FBXO11: variants seen among roughly 807,000 people sequenced by gnomAD.
The protein encoded by FBXO11 is F-box only protein 11.
Under a neutral mutation model 117.0 loss-of-function variants are expected in FBXO11, and 13 were observed. That is an observed-to-expected ratio of 0.11 (90% CI 0.07 to 0.18). FBXO11 has a LOEUF of 0.18. Among genes scored for constraint, FBXO11 ranks in the 10% least tolerant of loss-of-function variants. The probability of loss-of-function intolerance (pLI) is 1.00; values close to 1 mark genes in which losing one functional copy is unlikely to be tolerated. For missense variants in FBXO11, 767 were observed against 1,164.4 expected (o/e 0.66, Z 4.97); for synonymous variants, 490 against 380.5 (o/e 1.29, Z -3.35).
In FBXO11 at chr2:47,900,603, TATACAC is replaced by T. The variant is rs1361663003; in HGVS notation, c.232+4880_232+4885del. Among the ~76,000 whole-genome samples, 10 of 110,244 alleles carry T rather than the reference TATACAC, an allele frequency of 9.1e-5. No homozygotes were observed. The East Asian group carries it at 1.1e-3, about 12-fold the overall frequency. The allele number at this position is 110,244 out of a possible 152,430, so 72.3% of individuals were successfully genotyped here. Reference sequence around the variant, plus strand: ...ACACATATATACGTATATACACACGTATACACACGTATATACACACGTATACACACA... The same window carrying T: ...ACACATATATACGTATATACACACGTACGTATATACACACGTATACACACA... On this transcript the variant is annotated intron_variant, in intron 1 of 22. Coordinates refer to ENST00000403359, the MANE Select transcript of FBXO11 (RefSeq NM_001190274.2).
intron 4 of FBXO11, chr2:47,837,179 T>G (rs1418457621): frequency 6.0e-6 from 1 of 167,282 alleles, no homozygotes; most frequent in Non-Finnish European, 1.3e-5. Flanking sequence ...TGAGCAATGC[T>G]GTTTTGTTCT....
intron 1 of FBXO11, among the ~76,000 whole-genome samples, chr2:47,855,553 G>C (rs1224695620): frequency 6.6e-6 from 1 of 152,162 alleles, no homozygotes; most frequent in Non-Finnish European, 1.5e-5. Context: ...AAGGAATGTG[G>C]CCAGGTGCAG....
chr2:47,821,587 G>C (rs964029243), intron 13 of FBXO11, among the ~76,000 whole-genome samples: 1 of 151,238 alleles, frequency 6.6e-6, no homozygotes, highest in Non-Finnish European at 1.5e-5. Flanking sequence ...TCCAGCCTGG[G>C]TGATAGAGAG....
chr2:47,808,731 T>C (rs1670400431), intron 21 of FBXO11: 1 of 329,136 alleles, frequency 3.0e-6, no homozygotes, highest in African/African-American at 2.1e-5. Flanking sequence ...GTCAAAACTG[T>C]CACAGTGACT....
At chr2:47,851,907 T>C (rs1405707685) in intron 1 of FBXO11, among the ~76,000 whole-genome samples, 1 of 152,256 alleles carries the variant, frequency 6.6e-6, no homozygotes, top group Non-Finnish European at 1.5e-5. Context: ...AACAACTTTT[T>C]TTAATACAGA....
At chr2:47,839,398 T>C (rs750753531) in intron 3 of FBXO11, 21 bp downstream of exon 3, 2 of 1,591,372 alleles carry the variant, frequency 1.3e-6, no homozygotes, top group South Asian at 2.3e-5. Flanking sequence ...ACCCTATTTG[T>C]TACTTTCCCA....
At chr2:47,856,064 T>A (rs1163266796) in intron 1 of FBXO11, among the ~76,000 whole-genome samples, 8 of 152,094 alleles carry the variant, frequency 5.3e-5, no homozygotes, top group Non-Finnish European at 1.2e-4. Context: ...CGTGCTATCA[T>A]TACATTATGC....
At position 47,832,589 on chromosome 2, in the gene FBXO11, T is replaced by C. The variant is rs1448690246; in HGVS notation, c.1243A>G (p.Ile415Val). 10 of 1,613,656 alleles carry C rather than the reference T, an allele frequency of 6.2e-6. No individual in the cohort carries two copies. Among genetic ancestry groups the C allele is most frequent in the East Asian group, 2.2e-5 (1 of 44,858 alleles). The change falls in exon 10 of 23, where the codon ATA becomes GTA. Residue 415 changes from isoleucine to valine, a missense_variant. Transcript: ENST00000403359. ...ISDCENVGLY[I>V]TDHAQGIYED... ...AAAAATACCTGTGCATGATCTGTTATATATAGTCCAACATTTTCACAGTCA... is the reference window on the plus strand; with the variant it reads ...AAAAATACCTGTGCATGATCTGTTACATATAGTCCAACATTTTCACAGTCA...
chr2:47,859,054 A>AAAAAG (rs916754158), intron 1 of FBXO11, among the ~76,000 whole-genome samples: 1 of 150,262 alleles, frequency 6.7e-6, no homozygotes, highest in Non-Finnish European at 1.5e-5. Flanking sequence ...AAAAAAAAAA[A>AAAAAG]AAAAGAAAAG....
chr2:47,884,389 A>G (rs902739886), intron 1 of FBXO11, among the ~76,000 whole-genome samples: 1 of 152,180 alleles, frequency 6.6e-6, no homozygotes, highest in Non-Finnish European at 1.5e-5. Context: ...TTGAACTTCA[A>G]CATGAACCCC....
At chr2:47,853,625 AACTT>A (rs1287442948) in intron 1 of FBXO11, among the ~76,000 whole-genome samples, 2 of 152,184 alleles carry the variant, frequency 1.3e-5, no homozygotes, top group Non-Finnish European at 2.9e-5. Context: ...TAGCCTCTTT[AACTT>A]AAGCTCCTCA....
At chr2:47,905,367 G>C (rs1002070826) in intron 1 of FBXO11, 122 bp downstream of exon 1, 3 of 992,506 alleles carry the variant, frequency 3.0e-6, no homozygotes, top group African/African-American at 3.4e-5. Context: ...CCTCCGCTCA[G>C]CTTGGGTCTC....
At chr2:47,847,188 T>C (rs1165830970) in intron 1 of FBXO11, among the ~76,000 whole-genome samples, 1 of 152,044 alleles carries the variant, frequency 6.6e-6, no homozygotes, top group Non-Finnish European at 1.5e-5. Flanking sequence ...TAGACTGCAG[T>C]GAGCCGACAT....
chr2:47,834,310 A>T (rs1360081410), intron 7 of FBXO11, among the ~76,000 whole-genome samples: 2 of 152,152 alleles, frequency 1.3e-5, no homozygotes, highest in African/African-American at 4.8e-5. Flanking sequence ...AAATTGTGCC[A>T]CTGCACTCTA....
chr2:47,835,041 G>A (rs1050730855), intron 5 of FBXO11, among the ~76,000 whole-genome samples, 170 bp from the exon 6 acceptor site: 7 of 152,082 alleles, frequency 4.6e-5, no homozygotes, highest in Non-Finnish European at 1.0e-4. Flanking sequence ...GTTATGATCC[G>A]GTAATATCCA....
rs749253894 is a variant in FBXO11, at chr2:47,813,875, C to G, written c.2007-8G>C. The G allele has an allele frequency of 6.3e-7, 1 of 1,598,940 alleles. No individual in the cohort carries two copies. ...TTGGGGTTGCTTCCAGTCCTGTAAA[C>G]AGAATAGACAATAATACCATTTCAA... On this transcript the variant is annotated splice_polypyrimidine_tract_variant and splice_region_variant and intron_variant, in intron 16 of 22. Coordinates refer to ENST00000403359, the MANE Select transcript of FBXO11 (RefSeq NM_001190274.2).
intron 4 of FBXO11, among the ~76,000 whole-genome samples, chr2:47,836,249 C>A (rs1672553345): frequency 6.6e-6 from 1 of 152,034 alleles, no homozygotes; most frequent in Admixed American, 6.6e-5. Context: ...CCTCAGCCTC[C>A]TGAGTAGCTG....
intron 15 of FBXO11, 36 bp from the exon 16 acceptor site, chr2:47,818,900 G>C (rs1317538409): frequency 6.3e-7 from 1 of 1,578,038 alleles, no homozygotes; most frequent in African/African-American, 1.4e-5. Flanking sequence ...CTTTTTCAAG[G>C]GACAAGTATT....
intron 1 of FBXO11, among the ~76,000 whole-genome samples, chr2:47,884,339 C>T (rs931364671): frequency 1.3e-5 from 2 of 152,180 alleles, no homozygotes; most frequent in African/African-American, 2.4e-5. Flanking sequence ...TCAGGTACTT[C>T]GCCACCAACT....
Sources: gnomAD v4.1 joint callset for allele counts (sites outside exome capture counted in the v4.1 genomes callset) on GRCh38, gnomAD v4.1.1 for gene constraint, MANE v1.5 for transcripts, NCBI Gene and HGNC (gene_info 2026-07-23, HGNC 2026-07-21) for gene names.